Variants in FGF14 observed in about 807,000 individuals in gnomAD.
FGF14 encodes the protein fibroblast growth factor 14.
FGF14 carries 5 observed loss-of-function variants against 25.5 expected under a neutral mutation model. The ratio of observed to expected loss-of-function variants is 0.20; its 90% confidence interval spans 0.10 to 0.41. FGF14 has a LOEUF of 0.41. Ranked by LOEUF, FGF14 falls within the 10% of genes least tolerant of loss-of-function variation. The probability of loss-of-function intolerance (pLI) is 1.00; values close to 1 mark genes in which losing one functional copy is unlikely to be tolerated. For synonymous variants in FGF14, 138 were observed against 118.3 expected (o/e 1.17, Z -1.08); for missense variants, 222 against 320.1 (o/e 0.69, Z 2.34).
chr13:102,249,371 A>G (rs1401158316), intron 1 of FGF14, among the ~76,000 whole-genome samples: 1 of 152,228 alleles, frequency 6.6e-6, no homozygotes. Context: ...AAAAAAACAA[A>G]CAAACAAAAA....
At chr13:101,960,646 T>C (rs2036792594) in intron 1 of FGF14, among the ~76,000 whole-genome samples, 1 of 152,232 alleles carries the variant, frequency 6.6e-6, no homozygotes, top group East Asian at 1.9e-4. Context: ...AGGGCTGCAA[T>C]GAACATACAC....
At position 102,248,614 on chromosome 13, in the gene FGF14, AC is replaced by A. The variant is rs568528132; in HGVS notation, c.208+152856del. ...GGGAGAGGGAGATGGGGGCCAGATTACCAAGAGGTTTGGATTCTGGGCTAAG... is the reference window on the plus strand; with the variant it reads ...GGGAGAGGGAGATGGGGGCCAGATTACAAGAGGTTTGGATTCTGGGCTAAG... On this transcript the variant is annotated intron_variant, in intron 1 of 4. Coordinates refer to the FGF14 transcript ENST00000376131. Among the ~76,000 whole-genome samples, 15 of 152,288 alleles carry A rather than the reference AC, an allele frequency of 9.8e-5. No individual in the cohort carries two copies. In the South Asian group the frequency reaches 1.0e-3, roughly 11 times the overall value.
chr13:101,837,981 G>A (rs746961196), intron 3 of FGF14, among the ~76,000 whole-genome samples: 6 of 151,844 alleles, frequency 4.0e-5, no homozygotes, highest in Non-Finnish European at 5.9e-5. Flanking sequence ...TTAGTCTTCC[G>A]GCCTGTGTCC....
intron 1 of FGF14, among the ~76,000 whole-genome samples, chr13:102,178,992 G>C (rs1462205365): frequency 6.6e-6 from 1 of 152,016 alleles, no homozygotes; most frequent in Non-Finnish European, 1.5e-5. Flanking sequence ...GAGGAAATCA[G>C]GGAATAAGGA....
At chr13:102,376,856 A>G (rs2058052059) in intron 1 of FGF14, among the ~76,000 whole-genome samples, 1 of 152,180 alleles carries the variant, frequency 6.6e-6, no homozygotes, top group Admixed American at 6.6e-5. Context: ...ATGTTTTCCA[A>G]TGATATTCCC....
At chr13:102,229,618 G>C (rs2050987087) in intron 1 of FGF14, among the ~76,000 whole-genome samples, 1 of 152,150 alleles carries the variant, frequency 6.6e-6, no homozygotes, top group Admixed American at 6.5e-5. Flanking sequence ...TCTCCTGGCT[G>C]TCCTCTTCCC....
intron 3 of FGF14, among the ~76,000 whole-genome samples, chr13:101,794,539 TG>T (rs144625445): frequency 0.011 from 1,605 of 152,222 alleles, 22 homozygotes; most frequent in African/African-American, 0.035. Flanking sequence ...AGGGCTTCTC[TG>T]CTTTAGCAGC....
intron 3 of FGF14, among the ~76,000 whole-genome samples, chr13:101,853,947 G>T (rs1449974755): frequency 6.6e-6 from 1 of 151,868 alleles, no homozygotes. Flanking sequence ...TGCATTGACG[G>T]CTCTATTTTG....
intron 1 of FGF14, among the ~76,000 whole-genome samples, chr13:102,147,510 T>G (rs763602645): frequency 3.3e-5 from 5 of 152,164 alleles, no homozygotes; most frequent in Non-Finnish European, 7.3e-5. Flanking sequence ...CAGACAAACA[T>G]ATTTCATTGT....
At chr13:101,830,519 T>C (rs1482980589) in intron 3 of FGF14, among the ~76,000 whole-genome samples, 2 of 152,078 alleles carry the variant, frequency 1.3e-5, no homozygotes, top group Non-Finnish European at 2.9e-5. Flanking sequence ...CAAATTAACG[T>C]GAGGTTGAGA....
At chr13:102,146,218 CAT>C (rs1417669019) in intron 1 of FGF14, among the ~76,000 whole-genome samples, 2 of 152,170 alleles carry the variant, frequency 1.3e-5, no homozygotes. Flanking sequence ...ACACGCAGTA[CAT>C]GTTACCTTAG....
At chr13:102,301,826 T>TCACACACACACA (rs3066038) in intron 1 of FGF14, among the ~76,000 whole-genome samples, 1,664 of 140,042 alleles carry the variant, frequency 0.012, 18 homozygotes, top group Admixed American at 0.018. Flanking sequence ...TTCCTGTACT[T>TCACACACACACA]CACACACACA....
intron 1 of FGF14, among the ~76,000 whole-genome samples, chr13:102,128,480 A>T (rs753532092): frequency 9.2e-5 from 14 of 152,182 alleles, no homozygotes; most frequent in Non-Finnish European, 1.8e-4. Context: ...CTGAACCCAC[A>T]TTCTATTGAA....
intron 1 of FGF14, among the ~76,000 whole-genome samples, chr13:102,135,635 G>A (rs1194830722): frequency 6.6e-6 from 1 of 152,128 alleles, no homozygotes; most frequent in Non-Finnish European, 1.5e-5. Context: ...CTACATGTGG[G>A]ATTTGAAGTG....
intron 3 of FGF14, among the ~76,000 whole-genome samples, chr13:101,846,604 C>T (rs2043473745): frequency 6.6e-6 from 1 of 152,008 alleles, no homozygotes; most frequent in Non-Finnish European, 1.5e-5. Context: ...ATAGGATGAC[C>T]TCAGCACAGC....
chr13:102,176,571 T>C (rs34299080), intron 1 of FGF14, among the ~76,000 whole-genome samples: 15,264 of 152,092 alleles, frequency 0.1, 2,088 homozygotes, highest in East Asian at 0.7. Context: ...TAATCTGTAA[T>C]AAAATAACAA....
chr13:102,136,196 C>T (rs1258082649), intron 1 of FGF14, among the ~76,000 whole-genome samples: 1 of 152,048 alleles, frequency 6.6e-6, no homozygotes, highest in African/African-American at 2.4e-5. Flanking sequence ...AGAATGCAAA[C>T]ACTGATAGTT....
intron 1 of FGF14, among the ~76,000 whole-genome samples, chr13:101,994,257 T>C (rs2039062126): frequency 6.6e-6 from 1 of 152,012 alleles, no homozygotes. Context: ...TCTAGTTTCC[T>C]ACATGTTCAA....
chr13:102,349,258 C>A (rs1205634640), intron 1 of FGF14, among the ~76,000 whole-genome samples: 1 of 152,194 alleles, frequency 6.6e-6, no homozygotes, highest in South Asian at 2.1e-4. Flanking sequence ...TCCTCCACTC[C>A]TCCAGCTCAA....
Sources: allele counts gnomAD v4.1 joint callset (sites outside exome capture counted in the v4.1 genomes callset), GRCh38; gene constraint gnomAD v4.1.1; transcripts MANE v1.5; gene names NCBI Gene and HGNC (gene_info 2026-07-23, HGNC 2026-07-21).